The following SNX15 variants were observed in gnomAD, a reference collection of about 807,000 sequenced individuals.
SNX15 encodes sorting nexin-15.
Under a neutral mutation model 35.2 loss-of-function variants are expected in SNX15, and 29 were observed. The ratio of observed to expected loss-of-function variants is 0.82; its 90% CI spans 0.61 to 1.12. The LOEUF (loss-of-function observed/expected upper bound fraction) is 1.12. SNX15 is among the 50% of genes most tolerant of loss of function. The pLI is 0.00. For missense variants in SNX15, 400 were observed against 451.5 expected, an observed-to-expected ratio of 0.89 and a Z score of 1.03; for synonymous variants, 189 against 188.2, an observed-to-expected ratio of 1.00 and a Z score of -0.03.
chr11:65,038,360 A>G, intron 6 of SNX15: 2 of 1,178,366 alleles, frequency 1.7e-6, no homozygotes, highest in Non-Finnish European at 2.2e-6. Flanking sequence ...TTAGGAAGGT[A>G]AGGCTGTTTT....
At position 65,035,604 on chromosome 11, in the gene SNX15, C is replaced by T; in HGVS notation, c.605C>T (p.Pro202Leu). The T allele has an allele frequency of 1.2e-6, 2 of 1,613,978 alleles. No individual in the cohort carries two copies. Among genetic ancestry groups the T allele is most frequent in the Non-Finnish European group, 1.7e-6 (2 of 1,179,924 alleles). ...CESTEEASGS[P>L]ARGPLTEAEL... Reference sequence around the variant, plus strand: ...AGCACCGAGGAGGCATCTGGTTCCCCTGCCCGAGGCCCCCTCACCGAGGCT... The same window carrying T: ...AGCACCGAGGAGGCATCTGGTTCCCTTGCCCGAGGCCCCCTCACCGAGGCT... The change falls in exon 6 of 8, where the codon CCT (proline) becomes CTT (leucine). Residue 202 changes from proline (P) to leucine (L), a missense_variant. Transcript: ENST00000377244.
At chr11:65,028,125 A>G (rs553810809) in intron 1 of SNX15, among the ~76,000 whole-genome samples, 39 of 152,370 alleles carry the variant, frequency 2.6e-4, no homozygotes, top group Non-Finnish European at 5.0e-4. Context: ...GTAAGTCGCC[A>G]TATCAAGGTC....
At position 65,039,726 on chromosome 11, in the gene SNX15, G is replaced by A; in HGVS notation, c.963G>A (p.Lys321=). ...LPARQEGVKK[K]AAEYLKRAEE... ...CCCGCCAGGAAGGTGTGAAGAAGAA[G>A]GCAGCTGAGTACCTGAAGCGGGCAG... Residue 321 remains lysine, a synonymous_variant, in exon 8 of 8, where the codon AAG becomes AAA. Transcript: ENST00000377244. The A allele has an allele frequency of 6.2e-7, 1 of 1,613,792 alleles. No homozygotes were observed. Among genetic ancestry groups the A allele is most frequent in the East Asian group, 2.2e-5 (1 of 44,880 alleles).
In SNX15 at chr11:65,027,466, G is replaced by A. The variant is rs1946383919; in HGVS notation, c.-72G>A. 8.0e-7 allele frequency: 1 copy of A among 1,257,756 alleles called. No individual in the cohort carries two copies. The highest frequency in any genetic ancestry group is 1.2e-6 in the Non-Finnish European group (1 of 859,006). The allele number at this position is 1,257,756 out of a possible 1,614,324, so 77.9% of individuals were successfully genotyped here. On this transcript the variant is annotated 5_prime_UTR_variant, in exon 1 of 8. Coordinates refer to ENST00000377244, the MANE Select transcript of SNX15 (RefSeq NM_013306.5). ...AGGCCTGGCGAGGCGGCGGCGGGCG[G>A]AGGCTGGGCCGGAGGGGTGGGGACG...
intron 6 of SNX15, chr11:65,038,213 CTGG>C (rs1314174325): frequency 3.0e-6 from 3 of 988,958 alleles, no homozygotes; most frequent in Non-Finnish European, 3.6e-6. Context: ...TACCCTCAGC[CTGG>C]TGGTGGTGGC....
intron 3 of SNX15, 140 bp downstream of exon 3, chr11:65,032,691 C>A (rs1442557110): frequency 5.2e-6 from 5 of 966,074 alleles, no homozygotes; most frequent in Non-Finnish European, 7.7e-6. Flanking sequence ...GAGATGACCT[C>A]ATTTGACAGA....
At chr11:65,033,490 G>A (rs555225575) in intron 3 of SNX15, among the ~76,000 whole-genome samples, 2 of 140,874 alleles carry the variant, frequency 1.4e-5, no homozygotes, top group Admixed American at 7.6e-5. Context: ...GTTGCAGTGA[G>A]CCAAGAGTGT....
At position 65,034,837 on chromosome 11, in the gene SNX15, G is replaced by C. The variant is rs760787873; in HGVS notation, c.257-10G>C. 13 of 1,610,758 alleles carry C rather than the reference G, an allele frequency of 8.1e-6. No individual in the cohort carries two copies. The Admixed American group carries it at 1.8e-4, about 23-fold the overall frequency. The stretch of plus-strand genomic sequence containing the variant: ...CCACTCTCCCCTGTTCCTTGTCCTG[G>C]GGGCCGTAGGCCGGTTTGAAGCCTC... On this transcript the variant is annotated splice_polypyrimidine_tract_variant and intron_variant, in intron 3 of 7. Transcript: ENST00000377244.
intron 3 of SNX15, 152 bp from the exon 4 acceptor site, chr11:65,034,695 C>T: frequency 1.6e-6 from 1 of 615,704 alleles, no homozygotes; most frequent in Non-Finnish European, 2.9e-6. Flanking sequence ...TACCTCACCC[C>T]AGGAGGAACC....
chr11:65,032,572 C>G (rs1422386114), intron 3 of SNX15, 21 bp downstream of exon 3: 2 of 1,613,906 alleles, frequency 1.2e-6, no homozygotes, highest in African/African-American at 1.3e-5. Context: ...GATTGGGGCA[C>G]TCGGGCCAAA....
At chr11:65,039,171 C>T in intron 7 of SNX15, among the ~76,000 whole-genome samples, 1 of 148,032 alleles carries the variant, frequency 6.8e-6, no homozygotes. Context: ...TTACAGGCGC[C>T]CACCACCATG....
intron 6 of SNX15, chr11:65,036,046 A>G (rs1219829020): frequency 5.7e-6 from 1 of 174,314 alleles, no homozygotes; most frequent in Admixed American, 6.2e-5. Flanking sequence ...CCTGAAGGCA[A>G]GAGGCCTGCT....
Position 65,039,921 on chromosome 11 carries a change from A to G in SNX15, c.*129A>G. 2 of 598,934 alleles carry G rather than the reference A, an allele frequency of 3.3e-6. No homozygotes were observed. Among genetic ancestry groups the G allele is most frequent in the Non-Finnish European group, 6.1e-6 (2 of 329,372 alleles). The allele number at this position is 598,934 out of a possible 1,614,324, so 37.1% of individuals were successfully genotyped here. A position where few individuals can be genotyped will look rare whatever the true frequency, so the allele number is the denominator to read the frequency against. ...ATTTCTGTAGGTAACTGGACCAAGA[A>G]TGAGAAAAATAATGAATTCTTAGCT... On this transcript the variant is annotated 3_prime_UTR_variant, in exon 8 of 8. Coordinates refer to ENST00000377244, the MANE Select transcript of SNX15 (RefSeq NM_013306.5).
chr11:65,029,451 C>T (rs1306213391), intron 1 of SNX15, among the ~76,000 whole-genome samples: 10 of 151,274 alleles, frequency 6.6e-5, no homozygotes, highest in Middle Eastern at 3.5e-3. Flanking sequence ...CCACCACACC[C>T]GGCCTCCCAT....
At chr11:65,039,225 A>ATTTTTTTTTT (rs1204929609) in intron 7 of SNX15, among the ~76,000 whole-genome samples, 1 of 137,910 alleles carries the variant, frequency 7.3e-6, no homozygotes. Flanking sequence ...ATTTTTATTT[A>ATTTTTTTTTT]TTTATTTTTA....
Position 65,039,683 on chromosome 11 carries a change from CA to C in SNX15, c.923-2del. On this transcript the variant is annotated splice_acceptor_variant, in intron 7 of 7. Coordinates refer to ENST00000377244, the MANE Select transcript of SNX15 (RefSeq NM_013306.5). LOFTEE classifies it high-confidence loss of function. ...GCCTCAGCTGAGCATTCTCTCTCCA[CA>C]GGTGACCCGTTGCCTGCCCGCCAGG... is the stretch of plus-strand genomic sequence containing the variant. 6.2e-7 allele frequency: 1 copy of C among 1,609,916 alleles called. No individual in the cohort carries two copies. The highest frequency in any genetic ancestry group is 8.5e-7 in the Non-Finnish European group (1 of 1,177,330).
At chr11:65,029,050 C>G (rs566959055) in intron 1 of SNX15, among the ~76,000 whole-genome samples, 1 of 151,962 alleles carries the variant, frequency 6.6e-6, no homozygotes, top group East Asian at 1.9e-4. Context: ...GAGATTGTGC[C>G]ACTGCACTCC....
At chr11:65,035,370 C>T (rs540005625) in intron 5 of SNX15, 150 bp from the exon 6 acceptor site, 149 of 1,229,112 alleles carry the variant, frequency 1.2e-4, no homozygotes, top group Middle Eastern at 2.0e-4. Context: ...CTCTGTGCTA[C>T]AGTTTCTTGA....
intron 6 of SNX15, 53 bp downstream of exon 6, chr11:65,035,716 G>C: frequency 1.9e-6 from 3 of 1,551,950 alleles, no homozygotes; most frequent in Non-Finnish European, 2.6e-6. Flanking sequence ...CCTTGGGACA[G>C]GGAGGAGGGC....
Sources: gnomAD v4.1 joint callset for allele counts (sites outside exome capture counted in the v4.1 genomes callset) on GRCh38, gnomAD v4.1.1 for gene constraint, MANE v1.5 for transcripts, NCBI Gene and HGNC (gene_info 2026-07-23, HGNC 2026-07-21) for gene names.